Variants in PCYT1B observed in about 807,000 individuals in gnomAD.
PCYT1B encodes choline-phosphate cytidylyltransferase B.
PCYT1B carries 10 observed loss-of-function variants against 26.4 expected under a neutral mutation model. The observed-to-expected ratio is 0.38, with a 90% CI of 0.23 to 0.64. PCYT1B has a LOEUF of 0.64. PCYT1B is among the 30% of genes least tolerant of loss of function. The pLI is 0.56. For missense variants in PCYT1B, 161 were observed against 292.7 expected (o/e 0.55, Z 3.28); for synonymous variants, 131 against 108.4 (o/e 1.21, Z -1.29).
At chrX:24,663,602 G>A (rs1927069825) in intron 1 of PCYT1B, among the ~76,000 whole-genome samples, 1 of 111,924 alleles carries the variant, frequency 8.9e-6, no homozygotes, top group South Asian at 3.7e-4. Context: ...GATCTGAAGC[G>A]TTTTATTCTA....
rs1380035612 is a variant in PCYT1B at position 24,616,973 on chromosome X, G to C, written c.217+2012C>G. ...AATCCCAACTTTACCACTTACCAAT[G>C]GTTCTCCCAGTGTGATCCCTGGAGC... On this transcript the variant is annotated intron_variant, in intron 2 of 7. Coordinates refer to ENST00000379144, the MANE Select transcript of PCYT1B (RefSeq NM_004845.5). Among the ~76,000 whole-genome samples, 11 of 111,937 alleles carry C rather than the reference G, an allele frequency of 9.8e-5. No homozygotes were observed. In the Admixed American group the frequency reaches 1.0e-3, roughly 11 times the overall value.
chrX:24,656,231 G>GGGT (rs1926909900), intron 1 of PCYT1B, among the ~76,000 whole-genome samples: 1 of 100,181 alleles, frequency 1.0e-5, no homozygotes, highest in Non-Finnish European at 2.0e-5. Flanking sequence ...GGGGGTCGCG[G>GGGT]GGGGGGGTGG....
At chrX:24,590,292 G>T in intron 3 of PCYT1B, 118 bp from the exon 4 acceptor site, 1 of 561,612 alleles carries the variant, frequency 1.8e-6, no homozygotes, top group Non-Finnish European at 2.7e-6. Context: ...CTAGGTGCTT[G>T]TCATAATTGT....
chrX:24,623,400 A>ATATATAT (rs1925768231), intron 1 of PCYT1B, among the ~76,000 whole-genome samples: 17 of 59,045 alleles, frequency 2.9e-4, no homozygotes, highest in African/African-American at 8.9e-4. Flanking sequence ...TATATATATA[A>ATATATAT]CTTTAAATTC....
intron 4 of PCYT1B, 138 bp from the exon 5 acceptor site, chrX:24,587,457 T>A: frequency 2.2e-6 from 1 of 448,474 alleles, no homozygotes; most frequent in Non-Finnish European, 4.0e-6. Flanking sequence ...GAGACCTGAA[T>A]CCTTGGCTGA....
rs1290878332 is a variant in PCYT1B, at chrX:24,628,617, T to C, written c.118-9533A>G. Among the ~76,000 whole-genome samples, 3 of 111,148 alleles carry C rather than the reference T, an allele frequency of 2.7e-5. No individual in the cohort carries two copies. The East Asian group carries it at 8.4e-4, about 31-fold the overall frequency. On this transcript the variant is annotated intron_variant, in intron 1 of 7. Coordinates refer to ENST00000379144, the MANE Select transcript of PCYT1B (RefSeq NM_004845.5). ...TCATTTTAGGCTTTCTGGTATGACA[T>C]ATATACATATTAACAAGTTTGGAAT...
chrX:24,637,615 G>T (rs1470717826), intron 1 of PCYT1B, among the ~76,000 whole-genome samples: 1 of 102,839 alleles, frequency 9.7e-6, no homozygotes, highest in African/African-American at 3.7e-5. Flanking sequence ...AGTGAGCTGA[G>T]ATCATGCCAC....
intron 1 of PCYT1B, among the ~76,000 whole-genome samples, chrX:24,619,325 C>T (rs984281090): frequency 9.0e-6 from 1 of 111,625 alleles, no homozygotes; most frequent in East Asian, 2.8e-4. Flanking sequence ...CTATAGTATG[C>T]CAGGTACTAG....
chrX:24,572,266 G>GCGCGCA (rs1555955602), intron 7 of PCYT1B, among the ~76,000 whole-genome samples: 51 of 99,025 alleles, frequency 5.2e-4, no homozygotes, highest in African/African-American at 1.7e-3. Flanking sequence ...ACACGCGCGC[G>GCGCGCA]CACACACACA....
intron 3 of PCYT1B, among the ~76,000 whole-genome samples, chrX:24,594,404 C>A (rs1001538049): frequency 9.0e-6 from 1 of 111,482 alleles, no homozygotes; most frequent in African/African-American, 3.3e-5. Flanking sequence ...TATTAAAATA[C>A]CACCCTGAGA....
intron 1 of PCYT1B, among the ~76,000 whole-genome samples, chrX:24,631,294 G>T (rs937074406): frequency 9.0e-6 from 1 of 111,306 alleles, no homozygotes; most frequent in Non-Finnish European, 1.9e-5. Context: ...ACCAAAAAGC[G>T]GTTCAGAAAA....
At chrX:24,581,380 A>G (rs1300983209) in intron 5 of PCYT1B, among the ~76,000 whole-genome samples, 1 of 111,885 alleles carries the variant, frequency 8.9e-6, no homozygotes, top group Non-Finnish European at 1.9e-5. Flanking sequence ...GCTGTGCAGT[A>G]GGCTGACCCT....
intron 3 of PCYT1B, among the ~76,000 whole-genome samples, chrX:24,597,098 G>A (rs372569812): frequency 9.1e-6 from 1 of 110,401 alleles, no homozygotes; most frequent in African/African-American, 3.3e-5. Context: ...ATACCCTCAT[G>A]GACACACACA....
intron 6 of PCYT1B, among the ~76,000 whole-genome samples, chrX:24,577,935 AT>A (rs1924074208): frequency 9.0e-6 from 1 of 110,974 alleles, no homozygotes; most frequent in Non-Finnish European, 1.9e-5. Flanking sequence ...TGTTTTGCTT[AT>A]TTTAAAGATT....
intron 7 of PCYT1B, among the ~76,000 whole-genome samples, chrX:24,568,281 C>T (rs181817716): frequency 8.9e-6 from 1 of 112,093 alleles, no homozygotes; most frequent in East Asian, 2.8e-4. Context: ...GCCTATAATC[C>T]CAACACTTTG....
chrX:24,611,382 C>T (rs1416130410), intron 2 of PCYT1B, among the ~76,000 whole-genome samples: 1 of 111,579 alleles, frequency 9.0e-6, no homozygotes, highest in Non-Finnish European at 1.9e-5. Context: ...GGGGACTCTC[C>T]AGAGCATCTA....
intron 1 of PCYT1B, among the ~76,000 whole-genome samples, chrX:24,635,617 G>T: frequency 8.9e-6 from 1 of 111,938 alleles, no homozygotes; most frequent in African/African-American, 3.2e-5. Flanking sequence ...GTAACTACCA[G>T]TAAGGTGATT....
intron 3 of PCYT1B, among the ~76,000 whole-genome samples, chrX:24,600,643 A>G (rs1924927871): frequency 9.0e-6 from 1 of 111,376 alleles, no homozygotes; most frequent in African/African-American, 3.3e-5. Context: ...ATAAAAATAA[A>G]AATAAAAGTT....
chrX:24,624,904 T>C (rs1406283619), intron 1 of PCYT1B, among the ~76,000 whole-genome samples: 1 of 112,601 alleles, frequency 8.9e-6, no homozygotes, highest in Non-Finnish European at 1.9e-5. Context: ...AGTATTACCT[T>C]TATTAAACTC....
Sources: allele counts gnomAD v4.1 joint callset (sites outside exome capture counted in the v4.1 genomes callset), GRCh38; gene constraint gnomAD v4.1.1; transcripts MANE v1.5; gene names NCBI Gene and HGNC (gene_info 2026-07-23, HGNC 2026-07-21).